GRAMD1B: variants seen among roughly 807,000 people sequenced by gnomAD.
GRAMD1B encodes the protein protein Aster-B.
A neutral mutation model predicts 99.7 loss-of-function variants in GRAMD1B; 37 were observed. The ratio of observed to expected loss-of-function variants is 0.37; its 90% CI spans 0.29 to 0.49. The LOEUF is 0.49. Ranked by LOEUF, GRAMD1B falls within the 20% of genes least tolerant of loss-of-function variation. GRAMD1B has a pLI of 0.98. For synonymous variants in GRAMD1B, 427 were observed against 387.6 expected (o/e 1.10, Z -1.19); for missense variants, 888 against 1,009.2 (o/e 0.88, Z 1.63).
chr11:123,597,833 A>G (rs2136646431), intron 7 of GRAMD1B: 3 of 668,824 alleles, frequency 4.5e-6, no homozygotes, highest in Non-Finnish European at 8.2e-6. Context: ...ATGCTAGACC[A>G]TGAAACTAAG....
Position 123,619,143 on chromosome 11 carries a change from A to G in GRAMD1B, c.2463A>G (p.Leu821=). The G allele has an allele frequency of 1.3e-6, 2 of 1,568,598 alleles. No individual in the cohort carries two copies. The highest frequency in any genetic ancestry group is 1.2e-5 in the South Asian group (1 of 84,898). The change falls in exon 19 of 20, where the codon TTA becomes TTG. Residue 821 remains leucine (L), a synonymous_variant. Coordinates refer to ENST00000635736, the MANE Select transcript of GRAMD1B (RefSeq NM_001387025.1). ...PQSQTEWAQL[L]ESQQKYHDTE... is the part of the protein sequence containing the mutation. The stretch of plus-strand genomic sequence containing the variant: ...CTCAGACAGAATGGGCCCAGCTCTT[A>G]GAGTCCCAACAAAAGTACCACGATA...
At chr11:123,577,840 C>G (rs1390772067) in intron 3 of GRAMD1B, among the ~76,000 whole-genome samples, 17 of 151,526 alleles carry the variant, frequency 1.1e-4, no homozygotes, top group Admixed American at 1.0e-3. Context: ...GGGAGACGCT[C>G]TGGGAATCAT....
intron 1 of GRAMD1B, among the ~76,000 whole-genome samples, chr11:123,478,671 T>A (rs879442190): frequency 6.6e-6 from 1 of 152,200 alleles, no homozygotes; most frequent in African/African-American, 2.4e-5. Flanking sequence ...GGGAGCCCCC[T>A]TTATTAGTTT....
At chr11:123,414,047 ATTT>A (rs780726855) in intron 1 of GRAMD1B, among the ~76,000 whole-genome samples, 3 of 142,692 alleles carry the variant, frequency 2.1e-5, no homozygotes, top group Non-Finnish European at 1.5e-5. Context: ...CATCATCATC[ATTT>A]TTTTTTTTTT....
At position 123,492,865 on chromosome 11, in the gene GRAMD1B, TACACACACAC is replaced by T. The variant is rs58113764; in HGVS notation, c.452+11993_452+12002del. Among the ~76,000 whole-genome samples, 1 of 147,940 alleles carries T rather than the reference TACACACACAC, an allele frequency of 6.8e-6. No individual in the cohort carries two copies. The highest frequency in any genetic ancestry group is 6.7e-5 in the Admixed American group (1 of 14,874). ...TCTCTCTGTCTCTCTCTTTCACACA[TACACACACAC>T]ACACACACACACACACACACGCATA... On this transcript the variant is annotated intron_variant, in intron 2 of 19. Transcript: ENST00000635736. This position sits in a 1 kb window ranked among gnomAD's most constrained non-coding sequence, Gnocchi z 4.2.
intron 1 of GRAMD1B, among the ~76,000 whole-genome samples, chr11:123,394,440 A>G (rs1003223633): frequency 3.3e-4 from 50 of 152,134 alleles, no homozygotes; most frequent in Admixed American, 1.3e-3. Flanking sequence ...GTGGACTCCA[A>G]TCTTCTCTTC....
chr11:123,594,059 T>A (rs373592130), intron 4 of GRAMD1B, 23 bp from the exon 5 acceptor site: 29 of 1,540,820 alleles, frequency 1.9e-5, no homozygotes, highest in Non-Finnish European at 2.4e-5. Context: ...TACATCCTAC[T>A]AACCTTGGCT....
At chr11:123,381,054 G>A (rs1266361008) in intron 1 of GRAMD1B, among the ~76,000 whole-genome samples, 1 of 152,072 alleles carries the variant, frequency 6.6e-6, no homozygotes, top group Non-Finnish European at 1.5e-5. Context: ...TCAGAGGTAG[G>A]GGATTCTTGA....
At chr11:123,387,443 A>C (rs1947104113) in intron 1 of GRAMD1B, among the ~76,000 whole-genome samples, 2 of 151,968 alleles carry the variant, frequency 1.3e-5, no homozygotes, top group Non-Finnish European at 2.9e-5. Context: ...AGGAAACAAA[A>C]CTCCCCAAAG....
upstream of GRAMD1B, among the ~76,000 whole-genome samples, chr11:123,429,052 G>A (rs928092914): frequency 6.6e-6 from 1 of 152,116 alleles, no homozygotes; most frequent in African/African-American, 2.4e-5. The surrounding 1 kb of genome is among the most constrained non-coding windows in gnomAD (Gnocchi z 4.0). Context: ...ACTTAGCTGC[G>A]TGTGGTGGTG....
chr11:123,519,741 C>T (rs1276760204), intron 2 of GRAMD1B, among the ~76,000 whole-genome samples: 1 of 152,248 alleles, frequency 6.6e-6, no homozygotes, highest in Non-Finnish European at 1.5e-5. Context: ...AGAAGGAGAG[C>T]TTCAGGGATC....
At chr11:123,565,891 G>A (rs546326499) in intron 2 of GRAMD1B, among the ~76,000 whole-genome samples, 2 of 152,306 alleles carry the variant, frequency 1.3e-5, no homozygotes, top group South Asian at 2.1e-4. Flanking sequence ...ACACCAGTAA[G>A]TTCTTATGTT....
At chr11:123,555,105 A>T (rs964911624) in intron 2 of GRAMD1B, among the ~76,000 whole-genome samples, 4 of 152,202 alleles carry the variant, frequency 2.6e-5, no homozygotes, top group African/African-American at 9.7e-5. Flanking sequence ...CTGACAAGAT[A>T]TAACATTGTG....
intron 2 of GRAMD1B, among the ~76,000 whole-genome samples, chr11:123,535,135 A>G (rs1488804879): frequency 6.6e-6 from 1 of 152,154 alleles, no homozygotes; most frequent in African/African-American, 2.4e-5. Flanking sequence ...GCACTTTCCA[A>G]TTCAGTGGGC....
At chr11:123,475,294 A>C (rs527816452) in intron 1 of GRAMD1B, among the ~76,000 whole-genome samples, 2 of 152,192 alleles carry the variant, frequency 1.3e-5, no homozygotes, top group East Asian at 3.9e-4. Context: ...ATTCCTGTGG[A>C]TTTTTCCCAG....
At chr11:123,519,242 AC>A (rs932702186) in intron 2 of GRAMD1B, among the ~76,000 whole-genome samples, 14 of 152,208 alleles carry the variant, frequency 9.2e-5, no homozygotes, top group African/African-American at 3.1e-4. Context: ...TGCAGCCCAC[AC>A]TGTCACCCCA....
intron 1 of GRAMD1B, among the ~76,000 whole-genome samples, chr11:123,386,255 T>C (rs1947053336): frequency 1.3e-5 from 2 of 152,128 alleles, no homozygotes. Flanking sequence ...TTCTCCACTA[T>C]TTCTAAAGAT....
At chr11:123,372,886 TC>T (rs1168631916) in intron 1 of GRAMD1B, among the ~76,000 whole-genome samples, 1 of 152,180 alleles carries the variant, frequency 6.6e-6, no homozygotes, top group Non-Finnish European at 1.5e-5. Flanking sequence ...ATGCCTGTAA[TC>T]CCAGCACTTT....
intron 2 of GRAMD1B, among the ~76,000 whole-genome samples, chr11:123,548,891 G>A (rs1188093932): frequency 6.6e-6 from 1 of 152,226 alleles, no homozygotes; most frequent in Non-Finnish European, 1.5e-5. Context: ...TTATAGGCAA[G>A]AGCCACTGTG....
Sources: allele counts gnomAD v4.1 joint callset (sites outside exome capture counted in the v4.1 genomes callset), GRCh38; gene constraint gnomAD v4.1.1; non-coding constraint Gnocchi (gnomAD v3.1); transcripts MANE v1.5; gene names NCBI Gene and HGNC (gene_info 2026-07-23, HGNC 2026-07-21).